ADCY5: variants seen among roughly 807,000 people sequenced by gnomAD.
ADCY5 encodes adenylate cyclase type 5.
ADCY5 carries 30 observed loss-of-function variants against 119.7 expected under a neutral mutation model. That is an observed-to-expected ratio of 0.25 (90% CI 0.19 to 0.34). The LOEUF is 0.34. ADCY5 is among the 10% of genes least tolerant of loss of function. The pLI, the probability that ADCY5 is intolerant of heterozygous loss-of-function variation, is 1.00. For missense variants in ADCY5, 1,324 were observed against 1,775.2 expected (o/e 0.75, Z 4.57); for synonymous variants, 753 against 762.2 (o/e 0.99, Z 0.20).
At chr3:123,411,280 G>A (rs1945039484) in intron 1 of ADCY5, among the ~76,000 whole-genome samples, 1 of 152,214 alleles carries the variant, frequency 6.6e-6, no homozygotes, top group African/African-American at 2.4e-5. Context: ...AGAGGGCTGA[G>A]CAAGTATAAG....
At chr3:123,333,986 C>G (rs946527888) in intron 3 of ADCY5, among the ~76,000 whole-genome samples, 1 of 152,182 alleles carries the variant, frequency 6.6e-6, no homozygotes. Context: ...AGTGCACCAG[C>G]TGGTGATAGA....
intron 1 of ADCY5, among the ~76,000 whole-genome samples, chr3:123,404,993 G>A (rs1944864777): frequency 6.6e-6 from 1 of 152,248 alleles, no homozygotes; most frequent in South Asian, 2.1e-4. Context: ...CTGGGCCTCA[G>A]TTTTCTGACA....
chr3:123,398,922 T>C (rs1310753347), intron 1 of ADCY5, among the ~76,000 whole-genome samples: 6 of 152,250 alleles, frequency 3.9e-5, no homozygotes, highest in Non-Finnish European at 8.8e-5. Context: ...AGCTCATCAA[T>C]GGGAGAGCTT....
chr3:123,327,490 G>A, intron 7 of ADCY5, 128 bp downstream of exon 7: 1 of 1,027,056 alleles, frequency 9.7e-7, no homozygotes, highest in Non-Finnish European at 1.4e-6. Context: ...TTTTTAAGAT[G>A]CAGGAACCGC....
intron 1 of ADCY5, among the ~76,000 whole-genome samples, chr3:123,390,948 G>A (rs1404792384): frequency 6.8e-6 from 1 of 147,026 alleles, no homozygotes; most frequent in African/African-American, 2.6e-5. Context: ...CCTCTTCCCT[G>A]GAATAAGGTG....
chr3:123,386,295 G>A (rs866735017), intron 1 of ADCY5, among the ~76,000 whole-genome samples: 8 of 152,010 alleles, frequency 5.3e-5, no homozygotes, highest in East Asian at 1.9e-4. Flanking sequence ...CATCCTTAAC[G>A]TCAACCAGGA....
rs1387488133 is a variant in ADCY5, at chr3:123,448,036, G to C, written c.510C>G (p.Ala170=). The part of the protein sequence containing the change: ...LEERRGKGRA[A]DELEAGAVEG... ...CGACGGCGCCGGCCTCCAGCTCGTC[G>C]GCCGCGCGCCCCTTGCCCCGCCGCT... Residue 170 remains alanine, a synonymous_variant, in exon 1 of 21, where the codon GCC becomes GCG. Transcript: ENST00000462833. 4 of 1,247,730 alleles carry C rather than the reference G, an allele frequency of 3.2e-6. No individual in the cohort carries two copies. The African/African-American group carries it at 4.8e-5, about 15-fold the overall frequency. 77.3% of individuals were successfully genotyped at this position (1,247,730 alleles called of 1,614,324 possible).
intron 16 of ADCY5, chr3:123,296,914 C>T (rs1440019581): frequency 7.1e-7 from 1 of 1,411,614 alleles, no homozygotes; most frequent in East Asian, 2.5e-5. Context: ...CCAGTGACCC[C>T]CCGCCCCTTG....
chr3:123,300,344 C>G (rs374840029), intron 14 of ADCY5, 49 bp from the exon 15 acceptor site: 2 of 1,585,350 alleles, frequency 1.3e-6, no homozygotes, highest in Admixed American at 3.5e-5. Context: ...TGCCCGACCC[C>G]GGGCCCTGGC....
In ADCY5 at chr3:123,300,154, C is replaced by T. The variant is rs200892634; in HGVS notation, c.2866G>A (p.Asp956Asn). The T allele has an allele frequency of 4.0e-4, 639 of 1,613,888 alleles. 1 individual carries two copies. The highest frequency in any genetic ancestry group is 2.1e-3 in the Middle Eastern group (13 of 6,062). Residue 956 changes from aspartate to asparagine, a missense_variant, in exon 15 of 21, where the codon GAC (aspartate) becomes AAC (asparagine). Asp to Asn is a conservative substitution (Grantham distance 23). Around this residue, in one of 6 missense-constraint regions of ADCY5, gnomAD observed 424 missense variants for 546.8 expected, o/e 0.78. Transcript: ENST00000462833. ...IVEVPGVTLF[D>N]NADLLVTANA... ...GCGGTGACCAGCAGGTCGGCGTTGT[C>T]GAAGAGCGTGACACCTGGCACCTCC... is the stretch of plus-strand genomic sequence containing the variant.
intron 14 of ADCY5, 88 bp downstream of exon 14, chr3:123,302,967 C>T: frequency 1.3e-6 from 2 of 1,497,440 alleles, no homozygotes; most frequent in Non-Finnish European, 1.8e-6. Flanking sequence ...AGACCCTGTC[C>T]TTCAGACTGT....
At chr3:123,400,310 A>G (rs1352659718) in intron 1 of ADCY5, among the ~76,000 whole-genome samples, 1 of 152,150 alleles carries the variant, frequency 6.6e-6, no homozygotes, top group Non-Finnish European at 1.5e-5. Context: ...CTAGACCAGC[A>G]CCGCTTGCCC....
chr3:123,360,800 A>G (rs1943221773), intron 1 of ADCY5, among the ~76,000 whole-genome samples: 1 of 152,258 alleles, frequency 6.6e-6, no homozygotes, highest in Admixed American at 6.5e-5. Flanking sequence ...AATATCTAGG[A>G]ATGATTGGGT....
intron 1 of ADCY5, among the ~76,000 whole-genome samples, chr3:123,381,424 G>A (rs1045470357): frequency 2.6e-5 from 4 of 152,194 alleles, no homozygotes; most frequent in Non-Finnish European, 5.9e-5. Context: ...GACGTGGCTG[G>A]GAATTGGCTC....
At chr3:123,289,407 G>A (rs1036944056) in intron 19 of ADCY5, among the ~76,000 whole-genome samples, 1 of 152,266 alleles carries the variant, frequency 6.6e-6, no homozygotes, top group African/African-American at 2.4e-5. Flanking sequence ...CCTCGGCACA[G>A]AGCATCCCCC....
chr3:123,380,455 A>C (rs1229698853), intron 1 of ADCY5, among the ~76,000 whole-genome samples: 1 of 152,230 alleles, frequency 6.6e-6, no homozygotes, highest in East Asian at 1.9e-4. Context: ...AAAACTGCCC[A>C]CTGCCTTAGC....
chr3:123,293,852 G>C (rs1489119865), intron 17 of ADCY5, among the ~76,000 whole-genome samples: 1 of 152,114 alleles, frequency 6.6e-6, no homozygotes, highest in Admixed American at 6.5e-5. Flanking sequence ...CACACCAAAC[G>C]CTCAGACCTT....
chr3:123,285,883 T>C (rs945852244), intron 20 of ADCY5, among the ~76,000 whole-genome samples: 2 of 152,216 alleles, frequency 1.3e-5, no homozygotes, highest in African/African-American at 4.8e-5. Flanking sequence ...GGACCAGGAC[T>C]GTGCTTGGGG....
At chr3:123,439,561 A>G (rs1001342126) in intron 1 of ADCY5, among the ~76,000 whole-genome samples, 24 of 152,328 alleles carry the variant, frequency 1.6e-4, no homozygotes, top group African/African-American at 5.8e-4. Flanking sequence ...AAACTTTATC[A>G]CAAGTATAGA....
Sources: allele counts gnomAD v4.1 joint callset (sites outside exome capture counted in the v4.1 genomes callset), GRCh38; gene constraint gnomAD v4.1.1; regional missense constraint gnomAD v4.1.1; transcripts MANE v1.5; gene names NCBI Gene and HGNC (gene_info 2026-07-23, HGNC 2026-07-21).